The following GCNT1 variants were observed in gnomAD, a reference collection of about 807,000 sequenced individuals.
The protein encoded by GCNT1 is beta-1,3-galactosyl-O-glycosyl-glycoprotein beta-1,6-N-acetylglucosaminyltransferase.
Under a neutral mutation model 26.2 loss-of-function variants are expected in GCNT1, and 16 were observed. The observed-to-expected ratio is 0.61, with a 90% CI of 0.41 to 0.93. The LOEUF (loss-of-function observed/expected upper bound fraction) is 0.93. Among genes scored for constraint, GCNT1 ranks in the 40% least tolerant of loss-of-function variants. The pLI is 0.00. For missense variants in GCNT1, 477 were observed against 526.7 expected (o/e 0.91, Z 0.92); for synonymous variants, 183 against 190.8 (o/e 0.96, Z 0.34).
At chr9:76,419,022 G>C (rs989393189), upstream of GCNT1, among the ~76,000 whole-genome samples, 1 of 152,182 alleles carries the variant, frequency 6.6e-6, no homozygotes, top group African/African-American at 2.4e-5. Flanking sequence ...CTGGAGGGGG[G>C]TGTCAGAGAG....
chr9:76,461,755 G>C (rs929562210), intron 2 of GCNT1, among the ~76,000 whole-genome samples: 1 of 151,786 alleles, frequency 6.6e-6, no homozygotes, highest in Non-Finnish European at 1.5e-5. Flanking sequence ...CAGGTGTGGT[G>C]GTGGGCACCT....
chr9:76,458,434 G>C (rs981646071), upstream of GCNT1, among the ~76,000 whole-genome samples: 12 of 152,024 alleles, frequency 7.9e-5, no homozygotes, highest in African/African-American at 2.9e-4. Context: ...CGCCCGCCTC[G>C]GCCTCCCAAA....
At chr9:76,438,333 A>T (rs1373728890), upstream of GCNT1, among the ~76,000 whole-genome samples, 1 of 152,324 alleles carries the variant, frequency 6.6e-6, no homozygotes, top group South Asian at 2.1e-4. Context: ...TTGGTAACTG[A>T]TTGAAAGAGT....
chr9:76,505,515 C>T lies in GCNT1; in HGVS notation c.*1847C>T, dbSNP rs1825214511. ...GCTTCTCTTAGCAGAAAAGTTTTTA[C>T]CTATAAGACAGGGCACCTTTTAACT... On this transcript the variant is annotated 3_prime_UTR_variant, in exon 4 of 4. Coordinates refer to ENST00000376730, the MANE Select transcript of GCNT1 (RefSeq NM_001490.5). 6.0e-6 allele frequency: 1 copy of T among 166,704 alleles called. No individual in the cohort carries two copies. 10.3% of individuals were successfully genotyped at this position (166,704 alleles called of 1,614,324 possible).
intron 2 of GCNT1, among the ~76,000 whole-genome samples, chr9:76,472,446 G>A (rs961832794): frequency 6.6e-6 from 1 of 152,198 alleles, no homozygotes. Context: ...CAAGGGTGAA[G>A]CTGCAGGCTC....
At chr9:76,433,879 C>T (rs115360596) in intron 1 of GCNT1, among the ~76,000 whole-genome samples, 206 of 152,314 alleles carry the variant, frequency 1.4e-3, no homozygotes, top group African/African-American at 4.9e-3. Flanking sequence ...AGTTTGTTGT[C>T]CTTCAGTGAA....
At chr9:76,490,496 G>A (rs1308459245) in intron 2 of GCNT1, among the ~76,000 whole-genome samples, 4 of 152,090 alleles carry the variant, frequency 2.6e-5, no homozygotes, top group African/African-American at 4.8e-5. Context: ...AGCTTTGAGG[G>A]GCACTGACAA....
At chr9:76,497,996 C>T (rs766065518) in intron 2 of GCNT1, among the ~76,000 whole-genome samples, 6 of 152,180 alleles carry the variant, frequency 3.9e-5, no homozygotes, top group Non-Finnish European at 5.9e-5. Context: ...TGCCATTCCC[C>T]CATGTCCCCA....
At chr9:76,421,170 A>G (rs1454543361) in intron 1 of GCNT1, among the ~76,000 whole-genome samples, 1 of 152,212 alleles carries the variant, frequency 6.6e-6, no homozygotes, top group Non-Finnish European at 1.5e-5. Flanking sequence ...AATTGTTAAT[A>G]TGAATGTGGA....
chr9:76,487,639 A>G (rs1249371790), intron 2 of GCNT1, among the ~76,000 whole-genome samples: 2 of 152,122 alleles, frequency 1.3e-5, no homozygotes, highest in Non-Finnish European at 2.9e-5. Flanking sequence ...GGCTTGTTAT[A>G]TGGCCTAGAT....
chr9:76,434,219 C>T (rs1823375974), intron 1 of GCNT1, among the ~76,000 whole-genome samples: 1 of 152,138 alleles, frequency 6.6e-6, no homozygotes, highest in Admixed American at 6.5e-5. Context: ...AACGTATCTC[C>T]TGTGGATAAG....
intron 2 of GCNT1, among the ~76,000 whole-genome samples, chr9:76,498,966 A>T (rs1221668957): frequency 6.6e-6 from 1 of 151,296 alleles, no homozygotes; most frequent in African/African-American, 2.4e-5. Context: ...TTTCATGTGG[A>T]TTTGAGTTGC....
At chr9:76,451,396 C>A (rs1376716197) in intron 1 of GCNT1, among the ~76,000 whole-genome samples, 2 of 152,080 alleles carry the variant, frequency 1.3e-5, no homozygotes, top group African/African-American at 4.8e-5. Flanking sequence ...TATTATTCAC[C>A]ACTGAGCAAT....
At chr9:76,498,041 A>T (rs1824959215) in intron 2 of GCNT1, among the ~76,000 whole-genome samples, 1 of 152,152 alleles carries the variant, frequency 6.6e-6, no homozygotes, top group African/African-American at 2.4e-5. Flanking sequence ...TTCTGTCTAT[A>T]TGGATTTGCT....
intron 2 of GCNT1, among the ~76,000 whole-genome samples, chr9:76,478,271 A>C (rs1824308559): frequency 6.6e-6 from 1 of 152,168 alleles, no homozygotes; most frequent in Non-Finnish European, 1.5e-5. Flanking sequence ...TTATGAGCTG[A>C]GAGGGTCTGT....
the GCNT1 span, among the ~76,000 whole-genome samples, chr9:76,412,362 ATC>A: frequency 3.3e-5 from 5 of 152,152 alleles, no homozygotes; most frequent in Admixed American, 2.0e-4. Flanking sequence ...CTGATACTCT[ATC>A]TTTCCCTATG....
the GCNT1 span, among the ~76,000 whole-genome samples, chr9:76,405,576 C>T: frequency 6.6e-6 from 1 of 152,196 alleles, no homozygotes; most frequent in African/African-American, 2.4e-5. Context: ...CCTTGACAAC[C>T]ACTGATCTTT....
chr9:76,469,259 G>A (rs1824074991), intron 2 of GCNT1, among the ~76,000 whole-genome samples: 2 of 152,144 alleles, frequency 1.3e-5, no homozygotes, highest in Non-Finnish European at 2.9e-5. Context: ...GGATTTCCTA[G>A]GCCCACTAAG....
chr9:76,485,373 C>T (rs1482834211), intron 2 of GCNT1, among the ~76,000 whole-genome samples: 2 of 151,716 alleles, frequency 1.3e-5, no homozygotes, highest in African/African-American at 2.4e-5. Flanking sequence ...AGGGTTTTGC[C>T]GAGTTGGCCA....
Sources: gnomAD v4.1 joint callset for allele counts (sites outside exome capture counted in the v4.1 genomes callset) on GRCh38, gnomAD v4.1.1 for gene constraint, MANE v1.5 for transcripts, NCBI Gene and HGNC (gene_info 2026-07-23, HGNC 2026-07-21) for gene names.